ARHGAP5: variants seen among roughly 807,000 people sequenced by gnomAD.
ARHGAP5 encodes the protein rho GTPase-activating protein 5.
ARHGAP5 carries 23 observed loss-of-function variants against 116.6 expected under a neutral mutation model. That is an observed-to-expected ratio of 0.20 (90% CI 0.14 to 0.28). The LOEUF (loss-of-function observed/expected upper bound fraction) is 0.28. Among genes scored for constraint, ARHGAP5 ranks in the 10% least tolerant of loss-of-function variants. The pLI is 1.00. For synonymous variants in ARHGAP5, 574 were observed against 602.0 expected, an observed-to-expected ratio of 0.95 and a Z score of 0.68; for missense variants, 1,405 against 1,774.8, an observed-to-expected ratio of 0.79 and a Z score of 3.74.
Position 32,157,409 on chromosome 14 carries a change from G to C in ARHGAP5, c.*2461G>C, listed in dbSNP as rs957798457. 2 of 152,240 alleles carry C rather than the reference G, an allele frequency of 1.3e-5. No individual in the cohort carries two copies. The highest frequency in any genetic ancestry group is 4.8e-5 in the African/African-American group (2 of 41,414). The allele number at this position is 152,240 out of a possible 1,614,324, so 9.4% of individuals were successfully genotyped here. A position where few individuals can be genotyped will look rare whatever the true frequency, so the allele number is the denominator to read the frequency against. On this transcript the variant is annotated 3_prime_UTR_variant, in exon 7 of 7. Coordinates refer to ENST00000345122, the MANE Select transcript of ARHGAP5 (RefSeq NM_001030055.2). Reference sequence around the variant, plus strand: ...AAAAGAATAGGATAGTCTCATAATTGTGAGTAAACATCAAGGCATTATATT... The same window carrying C: ...AAAAGAATAGGATAGTCTCATAATTCTGAGTAAACATCAAGGCATTATATT...
chr14:32,132,119 C>G (rs1321514911), intron 3 of ARHGAP5, among the ~76,000 whole-genome samples: 1 of 152,150 alleles, frequency 6.6e-6, no homozygotes. Context: ...ATGGCTGGGT[C>G]AAATGGTATT....
chr14:32,147,115 A>G (rs1196084012), intron 4 of ARHGAP5, among the ~76,000 whole-genome samples: 5 of 152,250 alleles, frequency 3.3e-5, no homozygotes, highest in Admixed American at 2.0e-4. Flanking sequence ...TTCTACTCAT[A>G]TTCAGTAAAT....
At chr14:32,128,619 G>A (rs1054367078) in intron 3 of ARHGAP5, among the ~76,000 whole-genome samples, 25 of 152,324 alleles carry the variant, frequency 1.6e-4, no homozygotes, top group African/African-American at 4.1e-4. Context: ...GGCTCGCCGC[G>A]CCTGGCCGCC....
chr14:32,138,500 T>G (rs1880929698), intron 3 of ARHGAP5, among the ~76,000 whole-genome samples: 1 of 152,110 alleles, frequency 6.6e-6, no homozygotes, highest in Non-Finnish European at 1.5e-5. Context: ...CCCAGACTGG[T>G]CTCAGACTCC....
At chr14:32,137,513 GTTTTTT>G (rs1594386560) in intron 3 of ARHGAP5, among the ~76,000 whole-genome samples, 2 of 151,742 alleles carry the variant, frequency 1.3e-5, no homozygotes, top group East Asian at 3.9e-4. Context: ...GAGTTCTTCG[GTTTTTT>G]CTTCTTTTTC....
chr14:32,090,911 A>G lies in ARHGAP5; in HGVS notation c.242A>G (p.Asn81Ser). The G allele has an allele frequency of 1.2e-6, 2 of 1,613,676 alleles. No individual in the cohort carries two copies. The highest frequency in any genetic ancestry group is 1.7e-6 in the Non-Finnish European group (2 of 1,179,638). ...HFLYWGDIIQNSEDGVECKIH... is the reference protein window; with the variant it reads ...HFLYWGDIIQSSEDGVECKIH... ...TTGTACTGGGGTGACATAATACAAA[A>G]TAGTGAAGATGGAGTAGAATGCAAA... Residue 81 changes from asparagine to serine, a missense_variant, in exon 2 of 7, where the codon AAT becomes AGT. Asn to Ser is a conservative substitution (Grantham distance 46). Transcript: ENST00000345122.
At chr14:32,105,676 G>A (rs1157432680) in intron 2 of ARHGAP5, among the ~76,000 whole-genome samples, 1 of 152,054 alleles carries the variant, frequency 6.6e-6, no homozygotes, top group African/African-American at 2.4e-5. Flanking sequence ...AGTTTTTCAT[G>A]TGTATAGGTT....
chr14:32,135,623 A>G (rs1311631385), intron 3 of ARHGAP5, among the ~76,000 whole-genome samples: 1 of 152,216 alleles, frequency 6.6e-6, no homozygotes, highest in Admixed American at 6.5e-5. Context: ...GGGTTTCACC[A>G]TGTTGGCCAG....
intron 3 of ARHGAP5, among the ~76,000 whole-genome samples, chr14:32,139,894 T>C (rs1881005717): frequency 6.6e-6 from 1 of 150,912 alleles, no homozygotes. Flanking sequence ...TCAAAGTATT[T>C]TCTTTTTTTT....
rs148052791 is a variant in ARHGAP5 at position 32,154,466 on chromosome 14, A to G, written c.4182-155A>G. ...ACCTGGCCCAGGAAAAGTTTTTTACATACGAATTAAAGATGCTTCTTTATG... is the reference window on the plus strand; with the variant it reads ...ACCTGGCCCAGGAAAAGTTTTTTACGTACGAATTAAAGATGCTTCTTTATG... On this transcript the variant is annotated intron_variant, in intron 6 of 6. Transcript: ENST00000345122. 5.6e-4 allele frequency: 389 copies of G among 698,550 alleles called. 1 individual carries two copies. The African/African-American group carries it at 6.3e-3, about 11-fold the overall frequency. 43.3% of individuals were successfully genotyped at this position (698,550 alleles called of 1,614,324 possible). A position where few individuals can be genotyped will look rare whatever the true frequency, so the allele number is the denominator to read the frequency against.
At chr14:32,134,111 A>T (rs1880658816) in intron 3 of ARHGAP5, among the ~76,000 whole-genome samples, 1 of 152,186 alleles carries the variant, frequency 6.6e-6, no homozygotes, top group Admixed American at 6.5e-5. Flanking sequence ...GCACGTCAGA[A>T]AGCTTATCCA....
At chr14:32,126,271 C>T (rs761655489) in intron 3 of ARHGAP5, among the ~76,000 whole-genome samples, 12 of 151,972 alleles carry the variant, frequency 7.9e-5, no homozygotes, top group African/African-American at 1.9e-4. Context: ...CAGTTCTGAA[C>T]GCTAGAAGTC....
At chr14:32,140,085 A>AT (rs1881026266) in intron 3 of ARHGAP5, among the ~76,000 whole-genome samples, 2 of 31,552 alleles carry the variant, frequency 6.3e-5, no homozygotes, top group Non-Finnish European at 1.2e-4. Context: ...TTTTTTTTTT[A>AT]GGTTATTTGT....
intron 6 of ARHGAP5, among the ~76,000 whole-genome samples, chr14:32,152,884 A>C (rs1477733382): frequency 6.6e-6 from 1 of 152,136 alleles, no homozygotes; most frequent in Non-Finnish European, 1.5e-5. Context: ...TAAATGACTT[A>C]TTCTTCCTAA....
chr14:32,132,665 C>G (rs1416021677), intron 3 of ARHGAP5, among the ~76,000 whole-genome samples: 1 of 152,132 alleles, frequency 6.6e-6, no homozygotes, highest in Non-Finnish European at 1.5e-5. Flanking sequence ...TTGTCCATGC[C>G]TATGTCCTGC....
chr14:32,092,136 G>C lies in ARHGAP5; in HGVS notation c.1467G>C (p.Glu489Asp). ...QREIVEKAKE[E>D]FQEMLFEHSE... is the part of the protein sequence containing the mutation. ...AAATAGTTGAAAAAGCCAAAGAAGA[G>C]TTTCAAGAAATGCTTTTTGAGCATT... Residue 489 changes from glutamate to aspartate, a missense_variant, in exon 2 of 7, where the codon GAG becomes GAC. By Grantham distance (45) the Glu-to-Asp change is conservative. This residue lies in a region of ARHGAP5 where 944 missense variants were observed against 1,095.3 expected (regional missense o/e 0.86). Coordinates refer to ENST00000345122, the MANE Select transcript of ARHGAP5 (RefSeq NM_001030055.2). This position sits in a 1 kb window ranked among gnomAD's most constrained non-coding sequence, Gnocchi z 4.1. The C allele has an allele frequency of 5.0e-6, 8 of 1,613,764 alleles. No individual in the cohort carries two copies. Among genetic ancestry groups the C allele is most frequent in the Non-Finnish European group, 6.8e-6 (8 of 1,179,794 alleles).
In ARHGAP5 at chr14:32,159,508, C is replaced by G. The variant is rs1249109219; in HGVS notation, c.*4560C>G. ...CTATTTATTCATTGCTTCACTAATT[C>G]ATCCAGATTAGTTTTAAGTGTGTAT... On this transcript the variant is annotated 3_prime_UTR_variant, in exon 7 of 7. Coordinates refer to ENST00000345122, the MANE Select transcript of ARHGAP5 (RefSeq NM_001030055.2). The G allele has an allele frequency of 3.3e-5, 5 of 152,076 alleles. No individual in the cohort carries two copies. In the East Asian group the frequency reaches 7.7e-4, roughly 23 times the overall value. 9.4% of individuals were successfully genotyped at this position (152,076 alleles called of 1,614,324 possible). A position where few individuals can be genotyped will look rare whatever the true frequency, so the allele number is the denominator to read the frequency against.
At chr14:32,100,513 A>G (rs1008893543) in intron 2 of ARHGAP5, among the ~76,000 whole-genome samples, 1 of 152,164 alleles carries the variant, frequency 6.6e-6, no homozygotes, top group African/African-American at 2.4e-5. Flanking sequence ...ATACAAATTT[A>G]AAAAACAGCG....
chr14:32,091,332 CCTT>C lies in ARHGAP5; in HGVS notation c.667_669del (p.Leu223del). ...AGGCATTTGCTTCAAATAAAAAGAA[CCTT>C]CTTGTAGTGGAAACATCAGCACGAT... On this transcript the variant is annotated inframe_deletion, in exon 2 of 7. Coordinates refer to ENST00000345122, the MANE Select transcript of ARHGAP5 (RefSeq NM_001030055.2). 6.2e-6 allele frequency: 10 copies of C among 1,613,474 alleles called. No homozygotes were observed. Among genetic ancestry groups the C allele is most frequent in the African/African-American group, 1.3e-5 (1 of 75,006 alleles).
Sources: allele counts gnomAD v4.1 joint callset (sites outside exome capture counted in the v4.1 genomes callset), GRCh38; gene constraint gnomAD v4.1.1; regional missense constraint gnomAD v4.1.1; non-coding constraint Gnocchi (gnomAD v3.1); transcripts MANE v1.5; gene names NCBI Gene and HGNC (gene_info 2026-07-23, HGNC 2026-07-21).